Variants in MDH1 observed in about 807,000 individuals in gnomAD.
The protein encoded by MDH1 is malate dehydrogenase 1, also known as malate dehydrogenase, cytoplasmic.
Under a neutral mutation model 38.7 loss-of-function variants are expected in MDH1, and 15 were observed. That is an observed-to-expected ratio of 0.39 (90% CI 0.26 to 0.60). The LOEUF is 0.60. MDH1 is among the 20% of genes least tolerant of loss of function. MDH1 has a pLI of 0.56. For synonymous variants in MDH1, 144 were observed against 143.6 expected (o/e 1.00, Z -0.02); for missense variants, 368 against 405.2 (o/e 0.91, Z 0.79).
chr2:63,605,743 A>T, intron 7 of MDH1, 196 bp from the exon 8 acceptor site: 1 of 608,376 alleles, frequency 1.6e-6, no homozygotes, highest in South Asian at 2.0e-5. Flanking sequence ...TACTTCACAT[A>T]TGATATGGAA....
At chr2:63,601,149 C>G in intron 5 of MDH1, among the ~76,000 whole-genome samples, 1 of 152,308 alleles carries the variant, frequency 6.6e-6, no homozygotes, top group African/African-American at 2.4e-5. Context: ...GGGACCTTGG[C>G]TAGGCATTGT....
chr2:63,603,160 G>A (rs972390915), intron 5 of MDH1, among the ~76,000 whole-genome samples: 23 of 152,008 alleles, frequency 1.5e-4, no homozygotes, highest in Admixed American at 4.6e-4. Flanking sequence ...GGGCTTCACC[G>A]TGTTGGCCAT....
chr2:63,604,044 T>C (rs1345828428), intron 5 of MDH1, among the ~76,000 whole-genome samples: 2 of 152,204 alleles, frequency 1.3e-5, no homozygotes, highest in Non-Finnish European at 2.9e-5. Flanking sequence ...TTTCTGGAGT[T>C]ATAGCTAGAG....
rs187152209 is a variant in MDH1, at chr2:63,592,120, A to G, written c.4-2368A>G. On this transcript the variant is annotated intron_variant, in intron 1 of 8. Coordinates refer to ENST00000233114, the MANE Select transcript of MDH1 (RefSeq NM_005917.4). ...TTTGTTTCCTTCACGTGATTCACCA[A>G]TGGATTCCCTGGCCTAAAATAGTAC... Among the ~76,000 whole-genome samples, 62 of 152,294 alleles carry G rather than the reference A, an allele frequency of 4.1e-4. No individual in the cohort carries two copies. The Middle Eastern group carries it at 0.027, about 67-fold the overall frequency.
At chr2:63,605,624 T>G (rs1019665989) in intron 7 of MDH1, among the ~76,000 whole-genome samples, 9 of 152,200 alleles carry the variant, frequency 5.9e-5, no homozygotes, top group Admixed American at 5.9e-4. Context: ...TAAAGGAGAT[T>G]GCACATGGAA....
intron 5 of MDH1, among the ~76,000 whole-genome samples, chr2:63,603,660 T>C (rs924046660): frequency 5.4e-5 from 8 of 147,154 alleles, no homozygotes; most frequent in Admixed American, 1.4e-4. Flanking sequence ...CATTTCTTTT[T>C]TTTTTTTTTT....
At chr2:63,606,141 G>T (rs772425538) in intron 8 of MDH1, 113 bp downstream of exon 8, 19 of 1,018,254 alleles carry the variant, frequency 1.9e-5, no homozygotes, top group Non-Finnish European at 2.9e-5. Context: ...CAACACTTTG[G>T]AAGGGCAAGG....
intron 5 of MDH1, among the ~76,000 whole-genome samples, chr2:63,601,325 C>T (rs1246156179): frequency 2.6e-5 from 4 of 152,172 alleles, no homozygotes; most frequent in Non-Finnish European, 4.4e-5. Flanking sequence ...ATTCAGAGGC[C>T]TTAGCGACTT....
intron 5 of MDH1, among the ~76,000 whole-genome samples, chr2:63,602,934 C>CTTTTGTTTTTTTTTTTT (rs1709452776): frequency 1.5e-5 from 2 of 131,538 alleles, no homozygotes; most frequent in Admixed American, 7.7e-5. Context: ...TTTAACCGTT[C>CTTTTGTTTTTTTTTTTT]TTTTTTTTTT....
chr2:63,602,341 G>C (rs541248028), intron 5 of MDH1, among the ~76,000 whole-genome samples: 292 of 117,792 alleles, frequency 2.5e-3, no homozygotes, highest in Non-Finnish European at 3.7e-3. Context: ...CGGTTGGTTG[G>C]TTGGGGTTTT....
rs775112080 is a variant in MDH1, at chr2:63,604,836, G to C, written c.639G>C (p.Leu213=). The change falls in exon 6 of 9, where the codon CTG becomes CTC. Residue 213 remains leucine, a synonymous_variant. Coordinates refer to ENST00000233114, the MANE Select transcript of MDH1 (RefSeq NM_005917.4). ...AGGAAGTTGGTGTTTATGAAGCTCTGAAAGATGACAGCTGGCTCAAGGGAG... is the reference window on the plus strand; with the variant it reads ...AGGAAGTTGGTGTTTATGAAGCTCTCAAAGATGACAGCTGGCTCAAGGGAG... The part of the protein sequence containing the change: ...QGKEVGVYEA[L]KDDSWLKGEF... The C allele has an allele frequency of 6.2e-7, 1 of 1,614,204 alleles. No individual in the cohort carries two copies. Among genetic ancestry groups the C allele is most frequent in the African/African-American group, 1.3e-5 (1 of 75,056 alleles).
At chr2:63,598,536 T>G (rs1709360356) in intron 4 of MDH1, among the ~76,000 whole-genome samples, 1 of 152,132 alleles carries the variant, frequency 6.6e-6, no homozygotes, top group African/African-American at 2.4e-5. Context: ...TTTCCTATCT[T>G]TCAAAAAAAG....
chr2:63,598,964 C>G (rs1486095592), intron 4 of MDH1, among the ~76,000 whole-genome samples: 1 of 149,082 alleles, frequency 6.7e-6, no homozygotes, highest in Non-Finnish European at 1.5e-5. Flanking sequence ...TTCTATAAAT[C>G]TGATATTATT....
At chr2:63,601,588 C>T (rs1226357906) in intron 5 of MDH1, among the ~76,000 whole-genome samples, 2 of 152,196 alleles carry the variant, frequency 1.3e-5, no homozygotes, top group Admixed American at 1.3e-4. Context: ...CTAATTGTGA[C>T]ATGAATCATA....
intron 8 of MDH1, among the ~76,000 whole-genome samples, 200 bp from the exon 9 acceptor site, chr2:63,606,658 GTTTT>G (rs796718833): frequency 1.4e-5 from 2 of 145,154 alleles, no homozygotes; most frequent in African/African-American, 5.0e-5. Flanking sequence ...CATTTTTGAA[GTTTT>G]TTTTTTTTAG....
Position 63,605,855 on chromosome 2 carries a change from G to A in MDH1, c.790-84G>A, listed in dbSNP as rs1401247702. ...ATGATGTTATGAACATAGTAAGAAA[G>A]GGTCACCTGGTTTAATTTTATTAGT... is the stretch of plus-strand genomic sequence containing the variant. On this transcript the variant is annotated intron_variant, in intron 7 of 8. Transcript: ENST00000233114. 4 of 1,092,498 alleles carry A rather than the reference G, an allele frequency of 3.7e-6. No individual in the cohort carries two copies. In the African/African-American group the frequency reaches 6.2e-5, roughly 17 times the overall value. The allele number at this position is 1,092,498 out of a possible 1,614,324, so 67.7% of individuals were successfully genotyped here.
At chr2:63,596,669 A>T (rs1369782025) in intron 3 of MDH1, among the ~76,000 whole-genome samples, 1 of 152,218 alleles carries the variant, frequency 6.6e-6, no homozygotes, top group Non-Finnish European at 1.5e-5. Flanking sequence ...AGCCTTGACT[A>T]TGATGCAACT....
At chr2:63,590,439 C>T (rs963623519) in intron 1 of MDH1, 1 of 152,128 alleles carries the variant, frequency 6.6e-6, no homozygotes, top group Non-Finnish European at 1.5e-5. Context: ...GGGGGAGAGA[C>T]AGTGTACTCA....
At chr2:63,604,983 G>A in intron 6 of MDH1, 111 bp downstream of exon 6, 1 of 1,053,124 alleles carries the variant, frequency 9.5e-7, no homozygotes, top group Non-Finnish European at 1.4e-6. Flanking sequence ...TCTGATGACT[G>A]CATACTTTCG....
Sources: gnomAD v4.1 joint callset for allele counts (sites outside exome capture counted in the v4.1 genomes callset) on GRCh38, gnomAD v4.1.1 for gene constraint, MANE v1.5 for transcripts, NCBI Gene and HGNC (gene_info 2026-07-23, HGNC 2026-07-21) for gene names.